The following CLMN variants were observed in gnomAD, a reference collection of about 807,000 sequenced individuals.
The protein encoded by CLMN is calmin (calponin-like, transmembrane).
In CLMN, 57 loss-of-function variants were observed where a neutral mutation model predicts 92.7. That is an observed-to-expected ratio of 0.61 (90% CI 0.50 to 0.77). The LOEUF (loss-of-function observed/expected upper bound fraction) is 0.77, where lower values mean the gene tolerates loss of function less well. CLMN is among the 30% of genes least tolerant of loss of function. The probability of loss-of-function intolerance (pLI) is 0.00; values close to 1 mark genes in which losing one functional copy is unlikely to be tolerated. For synonymous variants in CLMN, 466 were observed against 470.6 expected, an observed-to-expected ratio of 0.99 and a Z score of 0.13; for missense variants, 1,158 against 1,237.5, an observed-to-expected ratio of 0.94 and a Z score of 0.96.
At chr14:95,309,312 G>A (rs1473986220) in intron 1 of CLMN, among the ~76,000 whole-genome samples, 1 of 152,138 alleles carries the variant, frequency 6.6e-6, no homozygotes, top group African/African-American at 2.4e-5. Flanking sequence ...GTAGAAGATT[G>A]TTTACCCAAC....
rs5810718 is a variant in CLMN, at chr14:95,274,978, C to CAAAAA, written c.82+44728_82+44732dup. Among the ~76,000 whole-genome samples the CAAAAA allele has an allele frequency of 3.8e-3, 293 of 76,350 alleles. 1 individual carries two copies. Among genetic ancestry groups the CAAAAA allele is most frequent in the African/African-American group, 0.012 (268 of 22,454 alleles). 50.1% of individuals were successfully genotyped at this position (76,350 alleles called of 152,430 possible). ...CTGACGACAGGGCAACACTCTGTCT[C>CAAAAA]AAAAAAAAAAAAAAAAAAAGTCACT... On this transcript the variant is annotated intron_variant, in intron 1 of 12. Coordinates refer to ENST00000298912, the MANE Select transcript of CLMN (RefSeq NM_024734.4).
chr14:95,250,012 G>A (rs1401196963), intron 1 of CLMN, among the ~76,000 whole-genome samples: 2 of 150,672 alleles, frequency 1.3e-5, no homozygotes, highest in Non-Finnish European at 1.5e-5. Context: ...CAATGCTGGT[G>A]TGTGCCCCCG....
chr14:95,298,391 CTT>C (rs1020698871), intron 1 of CLMN, among the ~76,000 whole-genome samples: 19 of 152,204 alleles, frequency 1.2e-4, no homozygotes, highest in African/African-American at 4.1e-4. Context: ...AAGCTTCTCT[CTT>C]GTCTTGCCTG....
intron 5 of CLMN, among the ~76,000 whole-genome samples, chr14:95,214,687 A>G (rs1897286767): frequency 6.6e-6 from 1 of 150,886 alleles, no homozygotes; most frequent in African/African-American, 2.4e-5. Flanking sequence ...ACCTATTATG[A>G]CCACTGCTCC....
chr14:95,252,197 C>A (rs1411897157), intron 1 of CLMN, among the ~76,000 whole-genome samples: 1 of 152,110 alleles, frequency 6.6e-6, no homozygotes, highest in Non-Finnish European at 1.5e-5. Context: ...AATTTAAAAA[C>A]CAAAGCAACC....
intron 3 of CLMN, 31 bp from the exon 4 acceptor site, chr14:95,221,805 A>G: frequency 1.2e-6 from 2 of 1,602,274 alleles, no homozygotes; most frequent in Middle Eastern, 3.3e-4. Flanking sequence ...AAACAAGCAC[A>G]TTAAACCCGC....
Position 95,189,166 on chromosome 14 carries a change from G to C in CLMN, c.*2398C>G, listed in dbSNP as rs906726809. 7 of 152,250 alleles carry C rather than the reference G, an allele frequency of 4.6e-5. 1 individual carries two copies. The highest frequency in any genetic ancestry group is 1.7e-4 in the African/African-American group (7 of 41,530). 9.4% of individuals were successfully genotyped at this position (152,250 alleles called of 1,614,324 possible). A position where few individuals can be genotyped will look rare whatever the true frequency, so the allele number is the denominator to read the frequency against. On this transcript the variant is annotated 3_prime_UTR_variant, in exon 13 of 13. Transcript: ENST00000298912. ...GATCTAGCTATACTGGAAAACCAAA[G>C]CACGGTATGGTAAGAGTGAAATCCT...
In CLMN at chr14:95,210,961, G is replaced by T. The variant is rs767240209; in HGVS notation, c.609-82C>A. 6 of 1,426,240 alleles carry T rather than the reference G, an allele frequency of 4.2e-6. No individual in the cohort carries two copies. In the South Asian group the frequency reaches 6.0e-5, roughly 14 times the overall value. 88.3% of individuals were successfully genotyped at this position (1,426,240 alleles called of 1,614,324 possible). On this transcript the variant is annotated intron_variant, in intron 6 of 12. Transcript: ENST00000298912. ...TGCAAGGTCAGCATGCAGCAGCCGC[G>T]TGAGTTTTTGAGTGGGGCAGAGCTG...
At chr14:95,231,258 G>A (rs1332112535) in intron 1 of CLMN, among the ~76,000 whole-genome samples, 1 of 148,364 alleles carries the variant, frequency 6.7e-6, no homozygotes, top group East Asian at 2.0e-4. Flanking sequence ...GTGCAGTGAC[G>A]CAATCTCGGC....
intron 1 of CLMN, among the ~76,000 whole-genome samples, chr14:95,273,679 G>A (rs1412919959): frequency 3.3e-5 from 5 of 152,138 alleles, no homozygotes; most frequent in African/African-American, 7.2e-5. Flanking sequence ...TCTTACCCCC[G>A]CCATTAGGGG....
intron 2 of CLMN, 87 bp from the exon 3 acceptor site, chr14:95,223,942 G>A: frequency 1.1e-6 from 1 of 950,618 alleles, no homozygotes; most frequent in South Asian, 1.5e-5. Context: ...CTGCTCAAGA[G>A]AAAACTTCCA....
At chr14:95,313,658 A>G (rs1055245544) in intron 1 of CLMN, among the ~76,000 whole-genome samples, 4 of 151,272 alleles carry the variant, frequency 2.6e-5, no homozygotes, top group Middle Eastern at 3.4e-3. Context: ...AAAAAAAGGC[A>G]TGGGGAAAGA....
At chr14:95,278,180 G>A (rs1280589733) in intron 1 of CLMN, among the ~76,000 whole-genome samples, 2 of 152,126 alleles carry the variant, frequency 1.3e-5, no homozygotes, top group Admixed American at 1.3e-4. Context: ...CCTTAGTTAA[G>A]GAATATTGGT....
intron 1 of CLMN, among the ~76,000 whole-genome samples, chr14:95,300,396 C>G (rs1428950341): frequency 6.6e-6 from 1 of 152,232 alleles, no homozygotes; most frequent in Non-Finnish European, 1.5e-5. Context: ...TTTGGACTCT[C>G]TGATAACGCC....
intron 7 of CLMN, among the ~76,000 whole-genome samples, chr14:95,210,202 C>T (rs907184128): frequency 1.3e-5 from 2 of 152,128 alleles, no homozygotes; most frequent in Non-Finnish European, 2.9e-5. Context: ...ACAGACTGCG[C>T]CACCACGCCC....
At chr14:95,275,364 C>G (rs1247891347) in intron 1 of CLMN, among the ~76,000 whole-genome samples, 2 of 152,160 alleles carry the variant, frequency 1.3e-5, no homozygotes, top group African/African-American at 4.8e-5. Context: ...ACTAAAATGA[C>G]AATGAAAGTG....
chr14:95,223,801 T>G lies in CLMN; in HGVS notation c.199A>C (p.Ile67Leu), dbSNP rs371738924. The G allele has an allele frequency of 1.9e-6, 3 of 1,613,938 alleles. No individual in the cohort carries two copies. Among genetic ancestry groups the G allele is most frequent in the Admixed American group, 3.3e-5 (2 of 59,954 alleles). ...DLFVDIQDGK[I>L]LMALLEVLSG... Reference sequence around the variant, plus strand: ...AGGACTTCTAACAAAGCCATTAGGATTTTGCCATCTTGTATATCGACGAAT... The same window carrying G: ...AGGACTTCTAACAAAGCCATTAGGAGTTTGCCATCTTGTATATCGACGAAT... The change falls in exon 3 of 13, where the codon ATC becomes CTC. Residue 67 changes from isoleucine to leucine, a missense_variant. Ile to Leu is a conservative substitution (Grantham distance 5). Transcript: ENST00000298912.
intron 1 of CLMN, among the ~76,000 whole-genome samples, chr14:95,264,841 G>A (rs1355415162): frequency 6.6e-6 from 1 of 151,850 alleles, no homozygotes; most frequent in Non-Finnish European, 1.5e-5. Flanking sequence ...GGGAGGGCAA[G>A]GCAGGAGGAT....
Position 95,203,272 on chromosome 14 carries a change from T to C in CLMN, c.2077A>G (p.Ser693Gly). 1 of 1,614,016 alleles carries C rather than the reference T, an allele frequency of 6.2e-7. No individual in the cohort carries two copies. Among genetic ancestry groups the C allele is most frequent in the Non-Finnish European group, 8.5e-7 (1 of 1,179,992 alleles). Residue 693 changes from serine to glycine, a missense_variant, in exon 9 of 13, where the codon AGC becomes GGC. Transcript: ENST00000298912. The stretch of plus-strand genomic sequence containing the variant: ...CCAAGGGTCTCCAAGCTGACACAGC[T>C]GCTTGGGGGGCTGGAAGATAATTCC... ...GEELSSSPPSSCVSLETLGSH... is the reference protein window; with the variant it reads ...GEELSSSPPSGCVSLETLGSH...
Sources: allele counts gnomAD v4.1 joint callset (sites outside exome capture counted in the v4.1 genomes callset), GRCh38; gene constraint gnomAD v4.1.1; transcripts MANE v1.5; gene names NCBI Gene and HGNC (gene_info 2026-07-23, HGNC 2026-07-21).